The following USP13 variants were observed in gnomAD, a reference collection of about 807,000 sequenced individuals.
The protein encoded by USP13 is ubiquitin specific peptidase 13.
A neutral mutation model predicts 107.8 loss-of-function variants in USP13; 68 were observed. The ratio of observed to expected loss-of-function variants is 0.63; its 90% CI spans 0.52 to 0.77. The LOEUF is 0.77. USP13 is among the 30% of genes least tolerant of loss of function. USP13 has a pLI of 0.00. For missense variants in USP13, 945 were observed against 1,093.3 expected (o/e 0.86, Z 1.91); for synonymous variants, 377 against 389.5 (o/e 0.97, Z 0.38).
intron 8 of USP13, among the ~76,000 whole-genome samples, chr3:179,724,092 T>C (rs1409583323): frequency 6.9e-6 from 1 of 144,684 alleles, no homozygotes; most frequent in Non-Finnish European, 1.5e-5. Flanking sequence ...CCCAGGAGTC[T>C]GAGGTTGCAG....
chr3:179,690,156 C>T (rs1282661056), intron 2 of USP13, 85 bp from the exon 3 acceptor site: 1 of 1,307,044 alleles, frequency 7.7e-7, no homozygotes. Context: ...TCTGTAAAAA[C>T]TAGGAACCTC....
At chr3:179,691,888 A>G (rs1271139313) in intron 3 of USP13, among the ~76,000 whole-genome samples, 1 of 152,216 alleles carries the variant, frequency 6.6e-6, no homozygotes, top group Non-Finnish European at 1.5e-5. Context: ...CTCAAGCGAA[A>G]AAGTGGTTTG....
chr3:179,668,527 C>T (rs1720651445), intron 1 of USP13, among the ~76,000 whole-genome samples: 2 of 152,110 alleles, frequency 1.3e-5, no homozygotes, highest in Non-Finnish European at 1.5e-5. Flanking sequence ...TTTGGTTATT[C>T]CCTGCTATCC....
intron 1 of USP13, among the ~76,000 whole-genome samples, chr3:179,658,304 G>A (rs1202056739): frequency 6.6e-6 from 1 of 152,060 alleles, no homozygotes; most frequent in Non-Finnish European, 1.5e-5. Flanking sequence ...ATTTGTCTGG[G>A]CTCTCTCTCA....
chr3:179,668,070 C>T (rs1300949825), intron 1 of USP13, among the ~76,000 whole-genome samples: 3 of 152,236 alleles, frequency 2.0e-5, no homozygotes, highest in Non-Finnish European at 4.4e-5. Context: ...CCAGGCTGTA[C>T]AGCTCTAATG....
chr3:179,783,346 TA>T (rs960086123), intron 20 of USP13, among the ~76,000 whole-genome samples: 3 of 152,168 alleles, frequency 2.0e-5, no homozygotes, highest in African/African-American at 4.8e-5. Context: ...ATACTACATA[TA>T]AATAAACACA....
intron 13 of USP13, among the ~76,000 whole-genome samples, chr3:179,750,302 G>GTA (rs1456279754): frequency 0.029 from 3,243 of 110,954 alleles, 157 homozygotes; most frequent in African/African-American, 0.093. Context: ...ATATATGTGT[G>GTA]TGTATATATA....
chr3:179,752,041 C>G (rs1028130299), intron 13 of USP13, among the ~76,000 whole-genome samples: 3 of 152,206 alleles, frequency 2.0e-5, no homozygotes, highest in African/African-American at 7.2e-5. Flanking sequence ...CCGCACCTAC[C>G]CAAAAGCATT....
intron 1 of USP13, among the ~76,000 whole-genome samples, chr3:179,662,032 A>G (rs1241171530): frequency 6.6e-6 from 1 of 152,126 alleles, no homozygotes; most frequent in Admixed American, 6.6e-5. Context: ...GATTTCTCTG[A>G]CTGTGGCTCT....
chr3:179,736,196 G>T (rs548357824), intron 10 of USP13, among the ~76,000 whole-genome samples: 10 of 152,094 alleles, frequency 6.6e-5, no homozygotes, highest in African/African-American at 2.4e-4. Context: ...CTATTGATTT[G>T]TTGAAGGAGC....
At chr3:179,688,194 AATCC>A (rs1214610213) in intron 2 of USP13, among the ~76,000 whole-genome samples, 857 of 48,172 alleles carry the variant, frequency 0.018, 7 homozygotes, top group Middle Eastern at 0.06. Flanking sequence ...TCCATTCATC[AATCC>A]ATCCATCCAT....
At chr3:179,758,751 G>T (rs1714898214) in intron 16 of USP13, among the ~76,000 whole-genome samples, 1 of 152,054 alleles carries the variant, frequency 6.6e-6, no homozygotes, top group African/African-American at 2.4e-5. Context: ...ACCCGCCTCG[G>T]CCTCCCAACG....
intron 10 of USP13, among the ~76,000 whole-genome samples, chr3:179,735,814 C>T (rs535600225): frequency 1.1e-4 from 16 of 152,252 alleles, no homozygotes; most frequent in Non-Finnish European, 1.9e-4. Context: ...AGGAAGACTG[C>T]TTGAAACCAG....
In USP13 at chr3:179,764,053, G is replaced by A; in HGVS notation, c.2144G>A (p.Gly715Glu). 1 of 1,614,066 alleles carries A rather than the reference G, an allele frequency of 6.2e-7. No homozygotes were observed. Among genetic ancestry groups the A allele is most frequent in the Non-Finnish European group, 8.5e-7 (1 of 1,180,014 alleles). Residue 715 changes from glycine to glutamate, a missense_variant, in exon 18 of 21, where the codon GGA becomes GAA. Coordinates refer to ENST00000263966, the MANE Select transcript of USP13 (RefSeq NM_003940.3). ...GGTTATGGAGGGGCAGCTTCTGCTGGAGCCTCTGTTTTTGGTGCTTCTGGA... is the reference window on the plus strand; with the variant it reads ...GGTTATGGAGGGGCAGCTTCTGCTGAAGCCTCTGTTTTTGGTGCTTCTGGA... ...MPGYGGAASAGASVFGASGLD... is the reference protein window; with the variant it reads ...MPGYGGAASAEASVFGASGLD...
At chr3:179,737,438 AT>A (rs952428162) in intron 10 of USP13, among the ~76,000 whole-genome samples, 15 of 152,360 alleles carry the variant, frequency 9.8e-5, no homozygotes, top group African/African-American at 3.6e-4. Context: ...TATCTGCTTA[AT>A]GAGTACATAA....
At chr3:179,739,015 A>G (rs1037305164) in intron 10 of USP13, among the ~76,000 whole-genome samples, 2 of 152,078 alleles carry the variant, frequency 1.3e-5, no homozygotes, top group Non-Finnish European at 2.9e-5. Flanking sequence ...GTCTCCTGTC[A>G]TGGCTGGCTT....
intron 2 of USP13, among the ~76,000 whole-genome samples, chr3:179,688,912 G>A (rs1711993647): frequency 6.6e-6 from 1 of 152,238 alleles, no homozygotes. Flanking sequence ...ATGTGCATTT[G>A]GCATCAGTAT....
At chr3:179,760,781 G>A (rs1430043459) in intron 16 of USP13, among the ~76,000 whole-genome samples, 1 of 152,166 alleles carries the variant, frequency 6.6e-6, no homozygotes, top group African/African-American at 2.4e-5. Flanking sequence ...TTCAGTCATA[G>A]GAGAGGCTGT....
intron 1 of USP13, among the ~76,000 whole-genome samples, chr3:179,673,503 C>T (rs1345178172): frequency 2.0e-5 from 3 of 152,322 alleles, no homozygotes; most frequent in Middle Eastern, 3.4e-3. Flanking sequence ...TCTAAAGGTA[C>T]TGGCGGCAAA....
Sources: gnomAD v4.1 joint callset for allele counts (sites outside exome capture counted in the v4.1 genomes callset) on GRCh38, gnomAD v4.1.1 for gene constraint, MANE v1.5 for transcripts, NCBI Gene and HGNC (gene_info 2026-07-23, HGNC 2026-07-21) for gene names.